The following ITPR1 variants were observed in gnomAD, a reference collection of about 807,000 sequenced individuals.
The protein encoded by ITPR1 is inositol 1,4,5-trisphosphate-gated calcium channel ITPR1.
Under a neutral mutation model 318.4 loss-of-function variants are expected in ITPR1, and 96 were observed. The observed-to-expected ratio is 0.30, with a 90% CI of 0.26 to 0.36. The LOEUF is 0.36. Among genes scored for constraint, ITPR1 ranks in the 10% least tolerant of loss-of-function variants. ITPR1 has a pLI of 1.00. For missense variants in ITPR1, 2,440 were observed against 3,460.2 expected (o/e 0.71, Z 7.40); for synonymous variants, 1,312 against 1,289.9 (o/e 1.02, Z -0.37).
intron 4 of ITPR1, among the ~76,000 whole-genome samples, chr3:4,567,612 G>T (rs59221590): frequency 0.23 from 31,235 of 138,282 alleles, 3,472 homozygotes; most frequent in East Asian, 0.43. Flanking sequence ...AGTTTTTTTT[G>T]GTTTCTTTTT....
intron 4 of ITPR1, among the ~76,000 whole-genome samples, chr3:4,611,240 AAAC>A (rs1575713412): frequency 1.4e-5 from 2 of 147,454 alleles, no homozygotes; most frequent in Non-Finnish European, 1.5e-5. Flanking sequence ...ACAAAAAAAA[AAAC>A]AAAAAAAAAA....
Position 4,788,147 on chromosome 3 carries a change from C to G in ITPR1, c.6808+8C>G, listed in dbSNP as rs2270749. 1.4e-4 allele frequency: 217 copies of G among 1,591,112 alleles called. 3 individuals are homozygous for G. The East Asian group carries it at 4.6e-3, about 33-fold the overall frequency. On this transcript the variant is annotated splice_region_variant and intron_variant, in intron 52 of 61. Transcript: ENST00000649015. Reference sequence around the variant, plus strand: ...GGCAGAAGAAACTGAGAGGTGGGTTCCAACGCATCAGCAACAACACAGAGA... The same window carrying G: ...GGCAGAAGAAACTGAGAGGTGGGTTGCAACGCATCAGCAACAACACAGAGA...
At chr3:4,823,306 T>C (rs2049845092) in intron 60 of ITPR1, among the ~76,000 whole-genome samples, 1 of 152,202 alleles carries the variant, frequency 6.6e-6, no homozygotes, top group Non-Finnish European at 1.5e-5. Flanking sequence ...TAAATTCTTC[T>C]TGAAAATTAG....
chr3:4,507,385 A>G (rs758367801), intron 2 of ITPR1, among the ~76,000 whole-genome samples: 2 of 152,220 alleles, frequency 1.3e-5, no homozygotes, highest in South Asian at 4.1e-4. Context: ...ATGGAACATT[A>G]GAGAGAGGGA....
Position 4,826,848 on chromosome 3 carries a change from A to G in ITPR1, c.8028+8606A>G, listed in dbSNP as rs1043949546. Among the ~76,000 whole-genome samples, 1 of 152,110 alleles carries G rather than the reference A, an allele frequency of 6.6e-6. No homozygotes were observed. The highest frequency in any genetic ancestry group is 1.5e-5 in the Non-Finnish European group (1 of 68,016). On this transcript the variant is annotated intron_variant, in intron 60 of 61. Transcript: ENST00000649015. The surrounding 1 kb of genome is among the most constrained non-coding windows in gnomAD (Gnocchi z 4.2). ...GGTGTGCCAGGTGCCGTTTGTAACA[A>G]TGAGTTGAGCAGAGCCATGATCCTC...
rs79114593 is a variant in ITPR1, at chr3:4,529,455, G to A, written c.163+8361G>A. ...AAAGCAGTATACTGTGGTTGATTAC[G>A]GACTTTTTCTTTTGGCAAAGGGTTT... On this transcript the variant is annotated intron_variant, in intron 4 of 61. Transcript: ENST00000649015. Among the ~76,000 whole-genome samples, 274 of 152,304 alleles carry A rather than the reference G, an allele frequency of 1.8e-3. 6 individuals are homozygous for A. The East Asian group carries it at 0.044, about 24-fold the overall frequency.
chr3:4,498,541 C>T (rs530535478), intron 2 of ITPR1, among the ~76,000 whole-genome samples: 7 of 152,136 alleles, frequency 4.6e-5, no homozygotes, highest in African/African-American at 9.7e-5. Context: ...TAAACTCTCA[C>T]GGAATTCTCA....
In ITPR1 at chr3:4,846,425, A is replaced by G; in HGVS notation, c.*200A>G. 2.6e-6 allele frequency: 1 copy of G among 383,920 alleles called. No individual in the cohort carries two copies. The highest frequency in any genetic ancestry group is 4.6e-6 in the Non-Finnish European group (1 of 216,702). The allele number at this position is 383,920 out of a possible 1,614,324, so 23.8% of individuals were successfully genotyped here. A position where few individuals can be genotyped will look rare whatever the true frequency, so the allele number is the denominator to read the frequency against. The stretch of plus-strand genomic sequence containing the variant: ...TAATTAGAATTGTTGGCATGATGAC[A>G]TTTCATTTGTGCCAAAAATATTAAA... On this transcript the variant is annotated 3_prime_UTR_variant, in exon 62 of 62. Transcript: ENST00000649015.
chr3:4,573,668 T>A (rs751470814), intron 4 of ITPR1, among the ~76,000 whole-genome samples: 13 of 152,224 alleles, frequency 8.5e-5, no homozygotes, highest in Non-Finnish European at 1.9e-4. Flanking sequence ...ACTAAGATTG[T>A]CCCTGCCTCA....
intron 54 of ITPR1, among the ~76,000 whole-genome samples, chr3:4,805,206 T>C (rs1468265418): frequency 6.6e-6 from 1 of 152,210 alleles, no homozygotes; most frequent in Non-Finnish European, 1.5e-5. Context: ...GCTCACACAG[T>C]GTCCTCAGGG....
Position 4,657,386 on chromosome 3 carries a change from G to GTT in ITPR1, c.997-729_997-728dup, listed in dbSNP as rs112693174. ...GCTCCTGCGGATGGATGTACCTAGA[G>GTT]TTTTTTTTTTGTTTTTTTTTTTTAA... On this transcript the variant is annotated intron_variant, in intron 12 of 61. Coordinates refer to ENST00000649015, the MANE Select transcript of ITPR1 (RefSeq NM_001378452.1). Among the ~76,000 whole-genome samples, 315 of 133,168 alleles carry GTT rather than the reference G, an allele frequency of 2.4e-3. 12 individuals are homozygous for GTT. Among genetic ancestry groups the GTT allele is most frequent in the African/African-American group, 9.1e-3 (299 of 32,732 alleles). 87.4% of individuals were successfully genotyped at this position (133,168 alleles called of 152,430 possible). A position where few individuals can be genotyped will look rare whatever the true frequency, so the allele number is the denominator to read the frequency against.
intron 42 of ITPR1, among the ~76,000 whole-genome samples, chr3:4,730,011 C>T (rs981499297): frequency 2.7e-5 from 4 of 149,406 alleles, no homozygotes; most frequent in African/African-American, 9.9e-5. Context: ...TAATTTATAT[C>T]AGGATGATTA....
In ITPR1 at chr3:4,687,265, C is replaced by A. The variant is rs183721923; in HGVS notation, c.3703-1230C>A. ...TGCTGCCTTGCCCTTTAAGAAAAAG[C>A]TTGCTGACCTCAGTCTAGCCCGGAA... On this transcript the variant is annotated intron_variant, in intron 30 of 61. Transcript: ENST00000649015. Among the ~76,000 whole-genome samples the A allele has an allele frequency of 1.6e-3, 244 of 152,356 alleles. 1 individual carries two copies. Among genetic ancestry groups the A allele is most frequent in the African/African-American group, 5.6e-3 (234 of 41,578 alleles).
At chr3:4,828,114 A>ATG (rs1037744925) in intron 60 of ITPR1, among the ~76,000 whole-genome samples, 4 of 151,978 alleles carry the variant, frequency 2.6e-5, no homozygotes, top group Non-Finnish European at 2.9e-5. Flanking sequence ...ATTGGTGAGG[A>ATG]TGTGTGTGTG....
chr3:4,625,219 CTT>C (rs200304497), intron 4 of ITPR1, among the ~76,000 whole-genome samples: 13 of 134,182 alleles, frequency 9.7e-5, no homozygotes, highest in African/African-American at 3.0e-4. Context: ...ATTAAGTGAT[CTT>C]TTTTTTTTTT....
intron 32 of ITPR1, among the ~76,000 whole-genome samples, chr3:4,692,666 A>G (rs1424476702): frequency 1.3e-5 from 2 of 152,272 alleles, no homozygotes; most frequent in African/African-American, 2.4e-5. Context: ...TAAATTTGCA[A>G]GAAGCCTCAT....
In ITPR1 at chr3:4,610,881, C is replaced by T. The variant is rs1183692019; in HGVS notation, c.164-16882C>T. On this transcript the variant is annotated intron_variant, in intron 4 of 61. Coordinates refer to ENST00000649015, the MANE Select transcript of ITPR1 (RefSeq NM_001378452.1). ...GTTCCCTTTCCCTTTCCTTTCCTCTCTCTCCCCTTCCCCCTTCCCCCCCTT... is the reference window on the plus strand; with the variant it reads ...GTTCCCTTTCCCTTTCCTTTCCTCTTTCTCCCCTTCCCCCTTCCCCCCCTT... Among the ~76,000 whole-genome samples, 2 of 143,460 alleles carry T rather than the reference C, an allele frequency of 1.4e-5. 1 individual carries two copies. The highest frequency in any genetic ancestry group is 1.4e-4 in the Admixed American group (2 of 14,498). The allele number at this position is 143,460 out of a possible 152,430, so 94.1% of individuals were successfully genotyped here.
chr3:4,645,085 C>G (rs1028702643), intron 8 of ITPR1, among the ~76,000 whole-genome samples: 8 of 152,038 alleles, frequency 5.3e-5, no homozygotes, highest in Admixed American at 6.5e-5. Flanking sequence ...CCTTTACTTT[C>G]TGGCTACAGA....
intron 5 of ITPR1, among the ~76,000 whole-genome samples, chr3:4,635,840 T>G (rs921067779): frequency 6.6e-6 from 1 of 152,136 alleles, no homozygotes; most frequent in Non-Finnish European, 1.5e-5. Context: ...CATGGATAGT[T>G]TTGTCTAAAT....
Sources: allele counts gnomAD v4.1 joint callset (sites outside exome capture counted in the v4.1 genomes callset), GRCh38; gene constraint gnomAD v4.1.1; non-coding constraint Gnocchi (gnomAD v3.1); transcripts MANE v1.5; gene names NCBI Gene and HGNC (gene_info 2026-07-23, HGNC 2026-07-21).